Variants in CNTN5 observed in about 807,000 individuals in gnomAD.
CNTN5 encodes the protein contactin 5, also known as contactin-5.
CNTN5 carries 77 observed loss-of-function variants against 129.1 expected under a neutral mutation model. The observed-to-expected ratio is 0.60, with a 90% CI of 0.50 to 0.72. The LOEUF is 0.72. Among genes scored for constraint, CNTN5 ranks in the 30% least tolerant of loss-of-function variants. The pLI is 0.00. For missense variants in CNTN5, 1,478 were observed against 1,328.8 expected (o/e 1.11, Z -1.75); for synonymous variants, 509 against 465.6 (o/e 1.09, Z -1.20).
At chr11:100,023,763 T>C (rs1941279763) in intron 9 of CNTN5, among the ~76,000 whole-genome samples, 1 of 152,190 alleles carries the variant, frequency 6.6e-6, no homozygotes, top group African/African-American at 2.4e-5. Context: ...TAAAATATGT[T>C]GCCTTTTCAG....
chr11:99,634,483 C>G (rs1951477821), intron 3 of CNTN5, among the ~76,000 whole-genome samples: 1 of 152,118 alleles, frequency 6.6e-6, no homozygotes, highest in South Asian at 2.1e-4. Context: ...CGAACGGTGT[C>G]TGAAGGTTGT....
Position 100,071,737 on chromosome 11 carries a change from G to C in CNTN5, c.1332G>C (p.Met444Ile). ...SRVEMVNGVL[M>I]IHNVNQSDAG... ...TTGAGATGGTTAATGGAGTATTGAT[G>C]ATCCACAATGTGAATCAATCAGATG... Residue 444 changes from methionine to isoleucine, a missense_variant, in exon 12 of 25, where the codon ATG becomes ATC. By Grantham distance (10) the Met-to-Ile change is conservative (BLOSUM62 1). Transcript: ENST00000524871. 1.3e-6 allele frequency: 2 copies of C among 1,597,166 alleles called. No individual in the cohort carries two copies. Among genetic ancestry groups the C allele is most frequent in the Non-Finnish European group, 1.7e-6 (2 of 1,170,716 alleles).
chr11:99,566,901 A>C (rs1949023308), intron 3 of CNTN5, among the ~76,000 whole-genome samples: 1 of 152,144 alleles, frequency 6.6e-6, no homozygotes, highest in South Asian at 2.1e-4. Flanking sequence ...ACTAGCATAT[A>C]TTTTTGTCAA....
intron 1 of CNTN5, among the ~76,000 whole-genome samples, chr11:99,086,732 G>A (rs1866023624): frequency 6.6e-6 from 1 of 152,116 alleles, no homozygotes; most frequent in South Asian, 2.1e-4. Context: ...GAATATATAT[G>A]AGATCTGTTT....
chr11:99,954,096 G>A (rs1950740510), intron 7 of CNTN5, among the ~76,000 whole-genome samples: 2 of 152,000 alleles, frequency 1.3e-5, no homozygotes. Flanking sequence ...GTATACCTGT[G>A]TAACAAACCT....
intron 1 of CNTN5, among the ~76,000 whole-genome samples, chr11:99,252,601 G>A (rs765861252): frequency 1.2e-4 from 18 of 151,610 alleles, no homozygotes; most frequent in African/African-American, 2.7e-4. Flanking sequence ...TCTCACAAAC[G>A]CTTGATATTA....
intron 18 of CNTN5, among the ~76,000 whole-genome samples, chr11:100,285,119 G>A (rs1207984479): frequency 2.0e-5 from 3 of 152,170 alleles, no homozygotes; most frequent in Non-Finnish European, 4.4e-5. Context: ...AATATTATTG[G>A]AAGATATTTT....
chr11:100,143,118 G>C (rs1361269632), intron 13 of CNTN5, among the ~76,000 whole-genome samples: 2 of 152,056 alleles, frequency 1.3e-5, no homozygotes, highest in Non-Finnish European at 2.9e-5. Flanking sequence ...CTGGTCTCAA[G>C]CATCTTGGAT....
At position 100,255,868 on chromosome 11, in the gene CNTN5, A is replaced by G; in HGVS notation, c.2114A>G (p.Asn705Ser). Reference sequence around the variant, plus strand: ...AACCACAGCCCAATCTCCTCCTACAACCTTCAAGCTCGCAGCCCATTTTCC... The same window carrying G: ...AACCACAGCCCAATCTCCTCCTACAGCCTTCAAGCTCGCAGCCCATTTTCC... ...ADNHSPISSY[N>S]LQARSPFSLG... is the part of the protein sequence containing the mutation. The change falls in exon 17 of 25, where the codon AAC (asparagine) becomes AGC (serine). Residue 705 changes from asparagine to serine, a missense_variant. Coordinates refer to ENST00000524871, the MANE Select transcript of CNTN5 (RefSeq NM_014361.4). 1 of 1,613,786 alleles carries G rather than the reference A, an allele frequency of 6.2e-7. No homozygotes were observed. The highest frequency in any genetic ancestry group is 8.5e-7 in the Non-Finnish European group (1 of 1,179,846).
At chr11:100,072,019 C>G (rs555114573) in intron 12 of CNTN5, among the ~76,000 whole-genome samples, 185 bp downstream of exon 12, 2 of 151,894 alleles carry the variant, frequency 1.3e-5, no homozygotes, top group South Asian at 4.2e-4. Flanking sequence ...TATAGTTCGT[C>G]CCATAACTTT....
rs563067453 is a variant in CNTN5 at position 100,283,619 on chromosome 11, T to A, written c.2314+12378T>A. On this transcript the variant is annotated intron_variant, in intron 18 of 24. Transcript: ENST00000524871. ...GGAATTCAAGTTCTGACCACTGATA[T>A]GGAAGATTTCCCTCTGGCTAGGGAT... Among the ~76,000 whole-genome samples the A allele has an allele frequency of 2.0e-5, 3 of 152,248 alleles. No individual in the cohort carries two copies. In the East Asian group the frequency reaches 5.8e-4, roughly 29 times the overall value.
At chr11:100,290,151 G>C (rs554588240) in intron 18 of CNTN5, among the ~76,000 whole-genome samples, 1 of 151,724 alleles carries the variant, frequency 6.6e-6, no homozygotes, top group Non-Finnish European at 1.5e-5. Flanking sequence ...TGGGTAGGAA[G>C]AATCTTTATC....
At chr11:99,528,287 G>A (rs1405524121) in intron 2 of CNTN5, among the ~76,000 whole-genome samples, 1 of 152,058 alleles carries the variant, frequency 6.6e-6, no homozygotes, top group Admixed American at 6.6e-5. Context: ...ATACACAATG[G>A]TAACATATTT....
intron 3 of CNTN5, among the ~76,000 whole-genome samples, chr11:99,584,976 C>G (rs111466926): frequency 3.4e-3 from 89 of 26,550 alleles, no homozygotes; most frequent in South Asian, 4.7e-3. Context: ...TGTGTAAAAA[C>G]TAAAATTTTT....
intron 1 of CNTN5, among the ~76,000 whole-genome samples, chr11:99,290,288 A>G (rs1864114920): frequency 1.3e-5 from 2 of 151,834 alleles, no homozygotes; most frequent in Admixed American, 6.6e-5. Context: ...CAGAAATTGA[A>G]TGCAAATACT....
intron 3 of CNTN5, among the ~76,000 whole-genome samples, chr11:99,640,920 C>G (rs1286550829): frequency 6.6e-5 from 10 of 152,200 alleles, no homozygotes; most frequent in Non-Finnish European, 1.3e-4. Flanking sequence ...GATTTGGTCT[C>G]TTTTTCATAC....
chr11:99,819,541 C>CAG lies in CNTN5; in HGVS notation c.56_57dup. On this transcript the variant is annotated splice_polypyrimidine_tract_variant and splice_region_variant and intron_variant, in intron 3 of 24. Transcript: ENST00000524871. ...AGATTTTATTATATTTTTTCTCTTA[C>CAG]AGAGTATTCAAAATCTCTTCCTGGT... is the stretch of plus-strand genomic sequence containing the variant. The CAG allele has an allele frequency of 6.3e-7, 1 of 1,599,342 alleles. No homozygotes were observed.
intron 3 of CNTN5, among the ~76,000 whole-genome samples, chr11:99,666,448 C>T (rs543912359): frequency 1.4e-4 from 21 of 152,100 alleles, no homozygotes; most frequent in Non-Finnish European, 3.1e-4. Context: ...GGATCCTGAG[C>T]TGTACATTGC....
At chr11:100,266,827 A>G (rs984021920) in intron 17 of CNTN5, among the ~76,000 whole-genome samples, 1 of 152,090 alleles carries the variant, frequency 6.6e-6, no homozygotes, top group African/African-American at 2.4e-5. Flanking sequence ...GAATTAATTA[A>G]TATTGCCAAT....
Sources: allele counts gnomAD v4.1 joint callset (sites outside exome capture counted in the v4.1 genomes callset), GRCh38; gene constraint gnomAD v4.1.1; transcripts MANE v1.5; gene names NCBI Gene and HGNC (gene_info 2026-07-23, HGNC 2026-07-21).